AUTS2: variants seen among roughly 807,000 people sequenced by gnomAD.
AUTS2 encodes autism susceptibility gene 2 protein.
AUTS2 carries 17 observed loss-of-function variants against 112.4 expected under a neutral mutation model. That is an observed-to-expected ratio of 0.15 (90% CI 0.10 to 0.23). The LOEUF is 0.23. Among genes scored for constraint, AUTS2 ranks in the 10% least tolerant of loss-of-function variants. The pLI, the probability that AUTS2 is intolerant of heterozygous loss-of-function variation, is 1.00. For synonymous variants in AUTS2, 751 were observed against 702.7 expected (o/e 1.07, Z -1.09); for missense variants, 1,510 against 1,701.6 (o/e 0.89, Z 1.98).
chr7:70,078,053 C>G (rs115845774), intron 2 of AUTS2, among the ~76,000 whole-genome samples: 1 of 152,128 alleles, frequency 6.6e-6, no homozygotes. Context: ...ACCATATTCT[C>G]CATGGCCTGT....
intron 5 of AUTS2, among the ~76,000 whole-genome samples, chr7:70,636,350 G>A (rs532975801): frequency 1.4e-4 from 22 of 152,276 alleles, no homozygotes; most frequent in African/African-American, 5.1e-4. Flanking sequence ...CAGTCCTCTA[G>A]GTGATGTTGG....
rs553959780 is a variant in AUTS2 at position 70,092,143 on chromosome 7, C to A, written c.523-25989C>A. On this transcript the variant is annotated intron_variant, in intron 2 of 18. Coordinates refer to ENST00000342771, the MANE Select transcript of AUTS2 (RefSeq NM_015570.4). ...ATTATATTTAAAAAACATAATCTCACCAGTACATTTTTATTCCTTCCTTTT... is the reference window on the plus strand; with the variant it reads ...ATTATATTTAAAAAACATAATCTCAACAGTACATTTTTATTCCTTCCTTTT... Among the ~76,000 whole-genome samples the A allele has an allele frequency of 3.4e-3, 442 of 129,108 alleles. 5 individuals are homozygous for A. The highest frequency in any genetic ancestry group is 0.013 in the African/African-American group (428 of 32,772). The allele number at this position is 129,108 out of a possible 152,430, so 84.7% of individuals were successfully genotyped here. A position where few individuals can be genotyped will look rare whatever the true frequency, so the allele number is the denominator to read the frequency against.
intron 1 of AUTS2, among the ~76,000 whole-genome samples, chr7:69,782,704 C>T (rs963783811): frequency 9.2e-5 from 14 of 151,940 alleles, no homozygotes; most frequent in Admixed American, 2.0e-4. Flanking sequence ...GACATTACAA[C>T]CAAGTATAAC....
intron 6 of AUTS2, among the ~76,000 whole-genome samples, chr7:70,724,676 A>G (rs137954358): frequency 0.059 from 8,886 of 150,040 alleles, 336 homozygotes; most frequent in Non-Finnish European, 0.089. Flanking sequence ...CGATCTCCTG[A>G]CCTCGTGGTC....
At chr7:69,947,531 A>C (rs1025691735) in intron 2 of AUTS2, among the ~76,000 whole-genome samples, 1 of 152,206 alleles carries the variant, frequency 6.6e-6, no homozygotes, top group Non-Finnish European at 1.5e-5. Context: ...CATTTATTAA[A>C]AGTAGTATGT....
intron 2 of AUTS2, among the ~76,000 whole-genome samples, chr7:69,916,709 C>T (rs1795594197): frequency 6.6e-6 from 1 of 152,164 alleles, no homozygotes; most frequent in Admixed American, 6.5e-5. Flanking sequence ...TCCCCCCATT[C>T]TTACATCCTA....
At chr7:69,664,373 A>C (rs1253380165) in intron 1 of AUTS2, among the ~76,000 whole-genome samples, 1 of 152,190 alleles carries the variant, frequency 6.6e-6, no homozygotes, top group Admixed American at 6.5e-5. Flanking sequence ...AAGGGAAAAA[A>C]ATGAGTTTTG....
At chr7:70,172,131 G>A (rs750625595) in intron 4 of AUTS2, among the ~76,000 whole-genome samples, 21 of 152,020 alleles carry the variant, frequency 1.4e-4, no homozygotes, top group Admixed American at 5.2e-4. Context: ...TATCCAGCAC[G>A]ACACTGACAA....
chr7:69,746,802 T>C (rs908426732), intron 1 of AUTS2, among the ~76,000 whole-genome samples: 8 of 152,070 alleles, frequency 5.3e-5, no homozygotes, highest in Non-Finnish European at 1.2e-4. Flanking sequence ...GCGAGGGCTG[T>C]ATTAGGTAAG....
Position 69,904,502 on chromosome 7 carries a change from C to G in AUTS2, c.522+5004C>G, listed in dbSNP as rs1054845374. Among the ~76,000 whole-genome samples, 14 of 152,140 alleles carry G rather than the reference C, an allele frequency of 9.2e-5. No individual in the cohort carries two copies. In the East Asian group the frequency reaches 1.2e-3, roughly 13 times the overall value. ...TCTGGAAATCAGAGCATTTGAGACA[C>G]GAATGTAATTTGGGATTTTACTGTC... On this transcript the variant is annotated intron_variant, in intron 2 of 18. Coordinates refer to ENST00000342771, the MANE Select transcript of AUTS2 (RefSeq NM_015570.4).
chr7:70,311,545 TTTTTGTTTTG>T lies in AUTS2; in HGVS notation c.661-124187_661-124178del, dbSNP rs750371540. Among the ~76,000 whole-genome samples, 78 of 152,140 alleles carry T rather than the reference TTTTTGTTTTG, an allele frequency of 5.1e-4. 2 individuals carry two copies. In the South Asian group the frequency reaches 0.013, roughly 25 times the overall value. ...TGGGGAAATCTCTTTTTGTTGTTGT[TTTTTGTTTTG>T]TTTTGTTTTGTTTTGTTTTTTGTTA... On this transcript the variant is annotated intron_variant, in intron 4 of 18. Transcript: ENST00000342771.
At chr7:69,760,202 T>TC (rs1039512119) in intron 1 of AUTS2, among the ~76,000 whole-genome samples, 3 of 148,218 alleles carry the variant, frequency 2.0e-5, no homozygotes, top group African/African-American at 7.4e-5. Flanking sequence ...TTTTTCTTTT[T>TC]TTTTTTTTTT....
At chr7:70,431,195 T>A (rs1795653899) in intron 4 of AUTS2, among the ~76,000 whole-genome samples, 2 of 152,078 alleles carry the variant, frequency 1.3e-5, no homozygotes, top group South Asian at 4.1e-4. Context: ...AACTGAAATA[T>A]TTGACGTGTT....
intron 4 of AUTS2, among the ~76,000 whole-genome samples, chr7:70,430,914 C>T (rs1425546927): frequency 6.9e-6 from 1 of 145,876 alleles, no homozygotes; most frequent in Non-Finnish European, 1.5e-5. Flanking sequence ...CGGCTCACTG[C>T]AAGCTCCGCC....
chr7:70,073,016 TCTCCCCTCCC>T (rs1337664474), intron 2 of AUTS2, among the ~76,000 whole-genome samples: 9 of 126,486 alleles, frequency 7.1e-5, no homozygotes, highest in African/African-American at 9.6e-5. Flanking sequence ...GCTTTCTCCC[TCTCCCCTCCC>T]CTCCCCTCCC....
chr7:70,088,529 T>C (rs897531675), intron 2 of AUTS2, among the ~76,000 whole-genome samples: 8 of 60,142 alleles, frequency 1.3e-4, no homozygotes, highest in African/African-American at 2.7e-4. Flanking sequence ...TTTGCTCTCT[T>C]TTTTTTTTTT....
At chr7:69,716,763 G>A (rs977537419) in intron 1 of AUTS2, among the ~76,000 whole-genome samples, 6 of 152,042 alleles carry the variant, frequency 3.9e-5, no homozygotes, top group Non-Finnish European at 1.5e-5. Context: ...TATTAATCGG[G>A]GTTCTCATGA....
At chr7:70,294,225 G>A (rs1369784338) in intron 4 of AUTS2, 1 of 152,160 alleles carries the variant, frequency 6.6e-6, no homozygotes, top group East Asian at 1.9e-4. Context: ...TGCTGTAATT[G>A]TTACCTAAAT....
rs1791937247 is a variant in AUTS2, at chr7:70,355,042, G to GGGTGTGTGTGTATA, written c.661-80710_661-80709insGGTGTGTGTGTATA. ...TGTGTGTGTATGGGTGTGTGTGTAT[G>GGGTGTGTGTGTATA]TATGTGTGTGTGTGTATGTATGGGT... On this transcript the variant is annotated intron_variant, in intron 4 of 18. Coordinates refer to ENST00000342771, the MANE Select transcript of AUTS2 (RefSeq NM_015570.4). 2.7e-5 allele frequency among the ~76,000 whole-genome samples: 4 copies of GGGTGTGTGTGTATA among 150,706 alleles called. No individual in the cohort carries two copies. In the South Asian group the frequency reaches 8.4e-4, roughly 32 times the overall value.
Sources: allele counts gnomAD v4.1 joint callset (sites outside exome capture counted in the v4.1 genomes callset), GRCh38; gene constraint gnomAD v4.1.1; transcripts MANE v1.5; gene names NCBI Gene and HGNC (gene_info 2026-07-23, HGNC 2026-07-21).